Variants in POFUT2 observed in about 807,000 individuals in gnomAD.
POFUT2 encodes the protein GDP-fucose protein O-fucosyltransferase 2.
POFUT2 carries 30 observed loss-of-function variants against 55.0 expected under a neutral mutation model. The observed-to-expected ratio is 0.55, with a 90% CI of 0.41 to 0.74. The LOEUF is 0.74. Ranked by LOEUF, POFUT2 falls within the 30% of genes least tolerant of loss-of-function variation. POFUT2 has a pLI of 0.00. For synonymous variants in POFUT2, 267 were observed against 231.1 expected (o/e 1.16, Z -1.41); for missense variants, 524 against 562.6 (o/e 0.93, Z 0.69).
At chr21:45,273,792 G>A (rs990898398) in intron 6 of POFUT2, among the ~76,000 whole-genome samples, 4 of 152,088 alleles carry the variant, frequency 2.6e-5, no homozygotes, top group African/African-American at 9.7e-5. Flanking sequence ...CCTCAGCAAA[G>A]GTGGCATAGA....
chr21:45,287,556 C>T lies in POFUT2; in HGVS notation c.131+185G>A, dbSNP rs535584214. On this transcript the variant is annotated intron_variant, in intron 1 of 8. Coordinates refer to ENST00000349485, the MANE Select transcript of POFUT2 (RefSeq NM_133635.6). Reference sequence around the variant, plus strand: ...CCCTGACCCCGCTCCATCCCATCCCCCTGGCCCCTGCCCCATAACTCCGCT... The same window carrying T: ...CCCTGACCCCGCTCCATCCCATCCCTCTGGCCCCTGCCCCATAACTCCGCT... 6.1e-4 allele frequency among the ~76,000 whole-genome samples: 77 copies of T among 126,040 alleles called. 3 individuals carry two copies. The highest frequency in any genetic ancestry group is 2.4e-3 in the African/African-American group (76 of 31,758). The allele number at this position is 126,040 out of a possible 152,430, so 82.7% of individuals were successfully genotyped here.
intron 4 of POFUT2, among the ~76,000 whole-genome samples, chr21:45,279,935 G>C (rs552742455): frequency 6.6e-6 from 1 of 152,212 alleles, no homozygotes. Context: ...ATGCACAGGC[G>C]GCCATGTGAG....
Position 45,287,738 on chromosome 21 carries a change from T to C in POFUT2, c.131+3A>G. 6.8e-7 allele frequency: 1 copy of C among 1,464,244 alleles called. No homozygotes were observed. The highest frequency in any genetic ancestry group is 9.1e-7 in the Non-Finnish European group (1 of 1,101,248). 90.7% of individuals were successfully genotyped at this position (1,464,244 alleles called of 1,614,324 possible). On this transcript the variant is annotated splice_donor_region_variant and intron_variant, in intron 1 of 8. Coordinates refer to ENST00000349485, the MANE Select transcript of POFUT2 (RefSeq NM_133635.6). Reference sequence around the variant, plus strand: ...AGCGTTGGCACCGTGGACGCGCGTTTACCGTCTGCGGGAAGCCGCCCCCGA... The same window carrying C: ...AGCGTTGGCACCGTGGACGCGCGTTCACCGTCTGCGGGAAGCCGCCCCCGA...
At position 45,265,899 on chromosome 21, in the gene POFUT2, T is replaced by G; in HGVS notation, c.1137-264A>C. 7.5e-7 allele frequency: 1 copy of G among 1,324,940 alleles called. No individual in the cohort carries two copies. 82.1% of individuals were successfully genotyped at this position (1,324,940 alleles called of 1,614,324 possible). ...CCACAGTCAGCAGCCGCCACGCTCC[T>G]GTCCCACCGCATGTCCCCCTGGGAG... is the stretch of plus-strand genomic sequence containing the variant. On this transcript the variant is annotated intron_variant, in intron 8 of 8. Transcript: ENST00000349485. The surrounding 1 kb of genome is among the most constrained non-coding windows in gnomAD (Gnocchi z 4.6).
rs562902580 is a variant in POFUT2, at chr21:45,284,352, G to C, written c.383-825C>G. 5.1e-3 allele frequency among the ~76,000 whole-genome samples: 784 copies of C among 152,322 alleles called. 6 individuals are homozygous for C. The highest frequency in any genetic ancestry group is 0.017 in the African/African-American group (722 of 41,556). On this transcript the variant is annotated intron_variant, in intron 2 of 8. Transcript: ENST00000349485. This position sits in a 1 kb window ranked among gnomAD's most constrained non-coding sequence, Gnocchi z 5.8. ...AAGGGCCTGAGGCCACAGCTGCGGGGGCTTCTTTTAGGCTAGTGGGAGGTG... is the reference window on the plus strand; with the variant it reads ...AAGGGCCTGAGGCCACAGCTGCGGGCGCTTCTTTTAGGCTAGTGGGAGGTG...
At chr21:45,278,046 G>A in intron 5 of POFUT2, 57 bp downstream of exon 5, 2 of 1,309,468 alleles carry the variant, frequency 1.5e-6, no homozygotes, top group Middle Eastern at 1.8e-4. Context: ...ATTTTCAAAA[G>A]CTAAATAATG....
chr21:45,266,344 A>T, intron 8 of POFUT2: 2 of 1,337,396 alleles, frequency 1.5e-6, no homozygotes, highest in South Asian at 2.3e-5. Flanking sequence ...TGCGGGGTGC[A>T]GCACTGGTGG....
chr21:45,267,984 T>TTCTCCC lies in POFUT2; in HGVS notation c.1013-277_1013-272dup, dbSNP rs761935285. Among the ~76,000 whole-genome samples, 765 of 150,490 alleles carry TTCTCCC rather than the reference T, an allele frequency of 5.1e-3. 26 individuals are homozygous for TTCTCCC. The East Asian group carries it at 0.09, about 18-fold the overall frequency. On this transcript the variant is annotated intron_variant, in intron 7 of 8. Transcript: ENST00000349485. This position sits in a 1 kb window ranked among gnomAD's most constrained non-coding sequence, Gnocchi z 4.4. ...AGAAACGTGCTCCCTCTCCCTCTCC[T>TTCTCCC]TCTCCCTCTCCCTCTCCCCACGGTC...
Position 45,285,635 on chromosome 21 carries a change from C to T in POFUT2, c.382+43G>A. The T allele has an allele frequency of 6.2e-7, 1 of 1,611,988 alleles. No homozygotes were observed. The highest frequency in any genetic ancestry group is 8.5e-7 in the Non-Finnish European group (1 of 1,179,672). The stretch of plus-strand genomic sequence containing the variant: ...TACCTTAGAAATGACTGCCTGGCCC[C>T]AGTTAAGCAACCACGGCCTCCCAGC... On this transcript the variant is annotated intron_variant, in intron 2 of 8. Coordinates refer to ENST00000349485, the MANE Select transcript of POFUT2 (RefSeq NM_133635.6). This position sits in a 1 kb window ranked among gnomAD's most constrained non-coding sequence, Gnocchi z 4.9.
In POFUT2 at chr21:45,267,295, G is replaced by A; in HGVS notation, c.1136+295C>T. On this transcript the variant is annotated intron_variant, in intron 8 of 8. Coordinates refer to ENST00000349485, the MANE Select transcript of POFUT2 (RefSeq NM_133635.6). This position sits in a 1 kb window ranked among gnomAD's most constrained non-coding sequence, Gnocchi z 4.4. ...GGGGGCAGACAGGGGCAGAAACCGG[G>A]AATGATGGGAAAATGCGACACAAGA... 1 of 1,456,976 alleles carries A rather than the reference G, an allele frequency of 6.9e-7. No homozygotes were observed. Among genetic ancestry groups the A allele is most frequent in the Non-Finnish European group, 9.0e-7 (1 of 1,111,136 alleles). The allele number at this position is 1,456,976 out of a possible 1,614,324, so 90.3% of individuals were successfully genotyped here. A position where few individuals can be genotyped will look rare whatever the true frequency, so the allele number is the denominator to read the frequency against.
Position 45,277,049 on chromosome 21 carries a change from T to C in POFUT2, c.799A>G (p.Ile267Val), listed in dbSNP as rs1447153022. 2 of 1,614,078 alleles carry C rather than the reference T, an allele frequency of 1.2e-6. No homozygotes were observed. The highest frequency in any genetic ancestry group is 2.2e-5 in the East Asian group (1 of 44,862). Residue 267 changes from isoleucine (I) to valine (V), a missense_variant, in exon 6 of 9, where the codon ATC becomes GTC. Physicochemically the swap from Ile to Val is conservative, Grantham distance 29 (BLOSUM62 3). This residue lies in a region of POFUT2 where 250 missense variants were observed against 318.2 expected (regional missense o/e 0.79). Transcript: ENST00000349485. This position sits in a 1 kb window ranked among gnomAD's most constrained non-coding sequence, Gnocchi z 6.9. ...TTCATCCAGTCCTCCTGGAAGGGGATCCTGTCTGCGTCGTCCGTGGAGTTG... is the reference window on the plus strand; with the variant it reads ...TTCATCCAGTCCTCCTGGAAGGGGACCCTGTCTGCGTCGTCCGTGGAGTTG... ...HLNSTDDADR[I>V]PFQEDWMKMK...
In POFUT2 at chr21:45,265,583, T is replaced by C. The variant is rs774201346; in HGVS notation, c.1189A>G (p.Arg397Gly). The C allele has an allele frequency of 3.7e-6, 6 of 1,614,050 alleles. No individual in the cohort carries two copies. In the South Asian group the frequency reaches 5.5e-5, roughly 15 times the overall value. ...STFSFRIHEE[R>G]EILGLDPKTT... ...TTGGGGTCCAACCCCAGGATTTCTC[T>C]TTCCTCATGAATCCGAAAAGAAAAT... Residue 397 changes from arginine to glycine, a missense_variant, in exon 9 of 9, where the codon AGA becomes GGA. Transcript: ENST00000349485. The surrounding 1 kb of genome is among the most constrained non-coding windows in gnomAD (Gnocchi z 4.6).
chr21:45,276,930 C>T, intron 6 of POFUT2, 87 bp downstream of exon 6: 1 of 1,448,418 alleles, frequency 6.9e-7, no homozygotes, highest in Non-Finnish European at 9.5e-7. Flanking sequence ...GCCAACCCTG[C>T]TGTGACTTTA....
chr21:45,272,488 G>T (rs1316532927), intron 6 of POFUT2, among the ~76,000 whole-genome samples: 1 of 152,114 alleles, frequency 6.6e-6, no homozygotes, highest in Admixed American at 6.5e-5. Context: ...GACAGCACTG[G>T]ACAGGTCATC....
In POFUT2 at chr21:45,281,342, A is replaced by G. The variant is rs1028542321; in HGVS notation, c.638+1007T>C. Reference sequence around the variant, plus strand: ...AAACCCGAATATTGTCATGAAATGAACCCAGTCCCAGGACAACATTAAAGC... The same window carrying G: ...AAACCCGAATATTGTCATGAAATGAGCCCAGTCCCAGGACAACATTAAAGC... On this transcript the variant is annotated intron_variant, in intron 4 of 8. Transcript: ENST00000349485. The surrounding 1 kb of genome is among the most constrained non-coding windows in gnomAD (Gnocchi z 5.0). Among the ~76,000 whole-genome samples the G allele has an allele frequency of 1.3e-5, 2 of 152,200 alleles. No homozygotes were observed. The highest frequency in any genetic ancestry group is 4.8e-5 in the African/African-American group (2 of 41,442).
intron 6 of POFUT2, among the ~76,000 whole-genome samples, chr21:45,271,590 C>T (rs2093220062): frequency 6.6e-6 from 1 of 152,188 alleles, no homozygotes. Flanking sequence ...CTCCTAGGCA[C>T]ACAGTCATCA....
chr21:45,285,709 G>A lies in POFUT2; in HGVS notation c.351C>T (p.Ile117=), dbSNP rs1480406990. The A allele has an allele frequency of 6.2e-6, 10 of 1,613,738 alleles. No individual in the cohort carries two copies. In the African/African-American group the frequency reaches 8.0e-5, roughly 13 times the overall value. ...TGAACTGCTCATACTCGATGACGGG[G>A]ATGTTTTTATTGAGACTTGGAAGAT... ...FFDLPSLNKN[I]PVIEYEQFIA... is the part of the protein sequence containing the mutation. Residue 117 remains isoleucine (I), a synonymous_variant, in exon 2 of 9, where the codon ATC becomes ATT. Transcript: ENST00000349485. This position sits in a 1 kb window ranked among gnomAD's most constrained non-coding sequence, Gnocchi z 4.9.
chr21:45,279,502 TA>T (rs2030320684), intron 4 of POFUT2, among the ~76,000 whole-genome samples: 1 of 152,230 alleles, frequency 6.6e-6, no homozygotes, highest in African/African-American at 2.4e-5. Flanking sequence ...AAAAGGCTTT[TA>T]AAGTGTAGTT....
Position 45,269,869 on chromosome 21 carries a change from C to G in POFUT2, c.982G>C (p.Val328Leu), listed in dbSNP as rs776549720. ...CTGACGGCATCTGTGGCCACAAACA[C>G]CTTGTCCAGCCGGTGGGTCTTCATG... The part of the protein sequence containing the change: ...SLMKTHRLDK[V>L]FVATDAVRKE... The change falls in exon 7 of 9, where the codon GTG becomes CTG. Residue 328 changes from valine to leucine, a missense_variant. Transcript: ENST00000349485. 1 of 1,610,218 alleles carries G rather than the reference C, an allele frequency of 6.2e-7. No homozygotes were observed. The highest frequency in any genetic ancestry group is 8.5e-7 in the Non-Finnish European group (1 of 1,178,976).
Sources: gnomAD v4.1 joint callset for allele counts (sites outside exome capture counted in the v4.1 genomes callset) on GRCh38, gnomAD v4.1.1 for gene constraint, gnomAD v4.1.1 regional missense constraint, Gnocchi (gnomAD v3.1) non-coding constraint, MANE v1.5 for transcripts, NCBI Gene and HGNC (gene_info 2026-07-23, HGNC 2026-07-21) for gene names.